The following KDELR3 variants were observed in gnomAD, a reference collection of about 807,000 sequenced individuals.
KDELR3 encodes KDEL endoplasmic reticulum protein retention receptor 3, also known as ER lumen protein-retaining receptor 3.
Under a neutral mutation model 22.7 loss-of-function variants are expected in KDELR3, and 26 were observed. The ratio of observed to expected loss-of-function variants is 1.15; its 90% confidence interval spans 0.84 to 1.59. KDELR3 has a LOEUF of 1.59. KDELR3 is among the 40% of genes most tolerant of loss of function. The pLI, the probability that KDELR3 is intolerant of heterozygous loss-of-function variation, is 0.00. For missense variants in KDELR3, 289 were observed against 251.1 expected, an observed-to-expected ratio of 1.15 and a Z score of -1.02; for synonymous variants, 120 against 98.2, an observed-to-expected ratio of 1.22 and a Z score of -1.31.
intron 1 of KDELR3, among the ~76,000 whole-genome samples, chr22:38,472,346 G>A (rs926338145): frequency 2.0e-5 from 3 of 151,886 alleles, no homozygotes; most frequent in Admixed American, 6.6e-5. Context: ...GCATGATGGT[G>A]GGCGCCTGTA....
chr22:38,481,054 GTAGGT>G (rs2089595934), intron 3 of KDELR3, among the ~76,000 whole-genome samples, 153 bp from the exon 4 acceptor site: 1 of 152,054 alleles, frequency 6.6e-6, no homozygotes. Flanking sequence ...CCTAGAGATG[GTAGGT>G]TAAACTGATT....
intron 3 of KDELR3, among the ~76,000 whole-genome samples, chr22:38,480,473 G>T (rs2089591699): frequency 6.6e-6 from 1 of 152,038 alleles, no homozygotes; most frequent in African/African-American, 2.4e-5. Context: ...CTTCAATTAT[G>T]ATTTTATACT....
chr22:38,475,186 A>G (rs563091935), intron 2 of KDELR3, among the ~76,000 whole-genome samples: 1 of 152,060 alleles, frequency 6.6e-6, no homozygotes, highest in South Asian at 2.1e-4. Context: ...AAACCCTGCC[A>G]TATATTAAAC....
In KDELR3 at chr22:38,482,502, AG is replaced by A; in HGVS notation, c.614del (p.Gly205GlufsTer4). On this transcript the variant is annotated frameshift_variant, in exon 5 of 5. Transcript: ENST00000216014. LOFTEE classifies it high-confidence loss of function. ...CATCTCCATTTTCTTCCAGTCCTTAAGGGAAAGAAGTTAAGTCTTCCAATGC... is the reference window on the plus strand; with the variant it reads ...CATCTCCATTTTCTTCCAGTCCTTAAGGAAAGAAGTTAAGTCTTCCAATGC... ...FFYLYVTKVL[K>X]GKKLSLPMPI is the part of the protein sequence containing the mutation. The A allele has an allele frequency of 6.2e-7, 1 of 1,612,376 alleles. No homozygotes were observed. Among genetic ancestry groups the A allele is most frequent in the Non-Finnish European group, 8.5e-7 (1 of 1,178,374 alleles).
In KDELR3 at chr22:38,481,223, TTTCTC is replaced by T. The variant is rs2089597442; in HGVS notation, c.365_369del (p.Phe122TyrfsTer22). The stretch of plus-strand genomic sequence containing the variant: ...TCTCTTTGGCTCAGATCCTCTGGAC[TTTCTC>T]TATCTATCTGGAATCAGTGGCTATC... On this transcript the variant is annotated frameshift_variant, in exon 4 of 5. Coordinates refer to ENST00000216014, the MANE Select transcript of KDELR3 (RefSeq NM_006855.4). LOFTEE classifies it high-confidence loss of function. 1 of 1,613,564 alleles carries T rather than the reference TTTCTC, an allele frequency of 6.2e-7. No homozygotes were observed. Among genetic ancestry groups the T allele is most frequent in the Non-Finnish European group, 8.5e-7 (1 of 1,179,738 alleles).
chr22:38,477,294 C>T (rs2089566791), intron 2 of KDELR3, among the ~76,000 whole-genome samples: 1 of 149,778 alleles, frequency 6.7e-6, no homozygotes, highest in South Asian at 2.1e-4. Context: ...ACCTCCGCCT[C>T]CCAGGTTCAA....
At chr22:38,478,924 T>C (rs1254223832) in intron 2 of KDELR3, among the ~76,000 whole-genome samples, 1 of 152,034 alleles carries the variant, frequency 6.6e-6, no homozygotes, top group Non-Finnish European at 1.5e-5. Context: ...ATTACAGGTG[T>C]GAGCCTCCAC....
intron 4 of KDELR3, among the ~76,000 whole-genome samples, chr22:38,482,011 GA>G (rs1330990979): frequency 1.3e-5 from 2 of 152,208 alleles, no homozygotes; most frequent in Admixed American, 1.3e-4. Context: ...CCGCGGGTTG[GA>G]CAAGCTTGAC....
At chr22:38,477,414 G>A (rs563823171) in intron 2 of KDELR3, among the ~76,000 whole-genome samples, 37 of 148,048 alleles carry the variant, frequency 2.5e-4, no homozygotes, top group Non-Finnish European at 4.8e-4. Context: ...TATGTTGGCC[G>A]GGCTGGTCTC....
At chr22:38,481,170 C>G (rs769911655) in intron 3 of KDELR3, 42 bp from the exon 4 acceptor site, 62 of 1,541,276 alleles carry the variant, frequency 4.0e-5, no homozygotes, top group Non-Finnish European at 5.5e-5. Context: ...TGGGCCTCTT[C>G]TTGGTCTTGC....
chr22:38,474,582 C>G lies in KDELR3; in HGVS notation c.151C>G (p.Leu51Val). The change falls in exon 2 of 5, where the codon CTG (leucine) becomes GTG (valine). Residue 51 changes from leucine to valine, a missense_variant. Coordinates refer to ENST00000216014, the MANE Select transcript of KDELR3 (RefSeq NM_006855.4). ...CGTCTTCACCACCAGGTACCTGGAC[C>G]TGTTCACCAACTTCATCTCCATCTA... Reference protein sequence around the residue: ...ALVFTTRYLDLFTNFISIYNT... With the variant: ...ALVFTTRYLDVFTNFISIYNT... 6.2e-7 allele frequency: 1 copy of G among 1,614,096 alleles called. No individual in the cohort carries two copies. The highest frequency in any genetic ancestry group is 1.1e-5 in the South Asian group (1 of 91,082).
chr22:38,475,731 G>A lies in KDELR3; in HGVS notation c.192+1108G>A, dbSNP rs112548933. ...AGCCTCCACCTCCTGGTTTCAAGCC[G>A]GGAGCTTGCCTTGTGCCTCAGCCTC... On this transcript the variant is annotated intron_variant, in intron 2 of 4. Coordinates refer to ENST00000216014, the MANE Select transcript of KDELR3 (RefSeq NM_006855.4). 5.0e-4 allele frequency among the ~76,000 whole-genome samples: 76 copies of A among 152,076 alleles called. No individual in the cohort carries two copies. In the Middle Eastern group the frequency reaches 0.014, roughly 27 times the overall value.
intron 1 of KDELR3, among the ~76,000 whole-genome samples, chr22:38,472,787 C>T (rs2089533298): frequency 6.6e-6 from 1 of 152,112 alleles, no homozygotes; most frequent in Non-Finnish European, 1.5e-5. Flanking sequence ...GCAACCTCCA[C>T]CTCCTGGGTT....
intron 2 of KDELR3, among the ~76,000 whole-genome samples, chr22:38,476,995 C>T (rs1430527487): frequency 2.0e-5 from 3 of 151,490 alleles, no homozygotes; most frequent in Admixed American, 1.3e-4. Context: ...TTGCAACCTC[C>T]ACCTCCCAAG....
chr22:38,477,589 A>G (rs2089569115), intron 2 of KDELR3, among the ~76,000 whole-genome samples: 2 of 152,224 alleles, frequency 1.3e-5, no homozygotes, highest in African/African-American at 4.8e-5. Context: ...GATAACATAC[A>G]GCACCTAGAA....
At chr22:38,479,831 TCTG>T in intron 3 of KDELR3, 80 bp downstream of exon 3, 2 of 1,349,290 alleles carry the variant, frequency 1.5e-6, no homozygotes, top group Non-Finnish European at 2.1e-6. Context: ...GGGCTTGCCT[TCTG>T]CTTACAACTG....
At chr22:38,481,123 A>T in intron 3 of KDELR3, 89 bp from the exon 4 acceptor site, 1 of 1,199,100 alleles carries the variant, frequency 8.3e-7, no homozygotes, top group Non-Finnish European at 1.2e-6. Flanking sequence ...TACCTTCTCC[A>T]GCAAGCTATT....
chr22:38,474,080 T>G (rs1313125728), intron 1 of KDELR3, among the ~76,000 whole-genome samples: 1 of 152,210 alleles, frequency 6.6e-6, no homozygotes, highest in Non-Finnish European at 1.5e-5. Flanking sequence ...TGCTCTGGTC[T>G]CCCTGGTGAA....
At chr22:38,474,327 G>C in intron 1 of KDELR3, 196 bp from the exon 2 acceptor site, 1 of 535,952 alleles carries the variant, frequency 1.9e-6, no homozygotes, top group East Asian at 3.2e-5. Context: ...TTTAATGAGA[G>C]GAACGACGAC....
Sources: gnomAD v4.1 joint callset for allele counts (sites outside exome capture counted in the v4.1 genomes callset) on GRCh38, gnomAD v4.1.1 for gene constraint, MANE v1.5 for transcripts, NCBI Gene and HGNC (gene_info 2026-07-23, HGNC 2026-07-21) for gene names.